Variants in NUGGC observed in about 807,000 individuals in gnomAD.
NUGGC encodes nuclear GTPase SLIP-GC.
NUGGC carries 58 observed loss-of-function variants against 92.6 expected under a neutral mutation model. The observed-to-expected ratio is 0.63, with a 90% confidence interval of 0.51 to 0.78. The LOEUF is 0.78. Ranked by LOEUF, NUGGC falls within the 30% of genes least tolerant of loss-of-function variation. The pLI, the probability that NUGGC is intolerant of heterozygous loss-of-function variation, is 0.00. For synonymous variants in NUGGC, 376 were observed against 366.4 expected, an observed-to-expected ratio of 1.03 and a Z score of -0.30; for missense variants, 925 against 964.6, an observed-to-expected ratio of 0.96 and a Z score of 0.54.
chr8:28,082,866 A>G (rs543964025), intron 1 of NUGGC, among the ~76,000 whole-genome samples: 2 of 152,272 alleles, frequency 1.3e-5, no homozygotes, highest in East Asian at 3.9e-4. Context: ...TGTTCATACC[A>G]CTGCACTCCA....
intron 9 of NUGGC, among the ~76,000 whole-genome samples, chr8:28,056,404 G>C (rs560240811): frequency 1.4e-4 from 22 of 151,764 alleles, no homozygotes; most frequent in Non-Finnish European, 2.6e-4. Context: ...CTTGAACACA[G>C]GAAGCAGAGC....
At position 28,029,448 on chromosome 8, in the gene NUGGC, T is replaced by C. The variant is rs199827509; in HGVS notation, c.2018-46A>G. The C allele has an allele frequency of 1.0e-4, 167 of 1,602,758 alleles. 2 individuals carry two copies. Among genetic ancestry groups the C allele is most frequent in the African/African-American group, 6.3e-4 (47 of 74,790 alleles). On this transcript the variant is annotated intron_variant, in intron 16 of 18. Coordinates refer to ENST00000413272, the MANE Select transcript of NUGGC (RefSeq NM_001010906.2). ...AGTCACACCAAGACAAGGACCTGCTTAGAAATCTTTGGCACCATGGCCGGG... is the reference window on the plus strand; with the variant it reads ...AGTCACACCAAGACAAGGACCTGCTCAGAAATCTTTGGCACCATGGCCGGG...
chr8:28,072,065 A>G (rs1810603990), intron 2 of NUGGC, among the ~76,000 whole-genome samples: 1 of 152,194 alleles, frequency 6.6e-6, no homozygotes, highest in Non-Finnish European at 1.5e-5. Flanking sequence ...TTCCAGTAGA[A>G]ATGGAAGCCA....
intron 1 of NUGGC, among the ~76,000 whole-genome samples, chr8:28,076,774 C>T (rs982638890): frequency 1.5e-4 from 23 of 152,178 alleles, no homozygotes; most frequent in African/African-American, 5.3e-4. Flanking sequence ...GGGGCAGGGG[C>T]CTTCATGGTG....
At chr8:28,029,546 C>G in intron 16 of NUGGC, 144 bp from the exon 17 acceptor site, 1 of 821,442 alleles carries the variant, frequency 1.2e-6, no homozygotes, top group Non-Finnish European at 1.9e-6. Flanking sequence ...GTCAGGAGTT[C>G]AAGACCAGCC....
chr8:28,061,935 G>T (rs899883673), intron 7 of NUGGC, among the ~76,000 whole-genome samples: 1 of 152,164 alleles, frequency 6.6e-6, no homozygotes, highest in Non-Finnish European at 1.5e-5. Context: ...AGGGCAGTGG[G>T]TTTCAGCTTG....
chr8:28,070,249 C>T lies in NUGGC; in HGVS notation c.148+3G>A, dbSNP rs1433972416. On this transcript the variant is annotated splice_donor_region_variant and intron_variant, in intron 3 of 18. Coordinates refer to ENST00000413272, the MANE Select transcript of NUGGC (RefSeq NM_001010906.2). ...GTTAAAACAACAGTTCCAAGACACT[C>T]ACATTCCTTAAGAGCACTCTGCTCC... 1.3e-6 allele frequency: 2 copies of T among 1,543,386 alleles called. No homozygotes were observed. The highest frequency in any genetic ancestry group is 2.7e-5 in the African/African-American group (2 of 73,002).
chr8:28,038,641 A>AAATGAATG lies in NUGGC; in HGVS notation c.1611+2402_1611+2409dup, dbSNP rs1241234729. ...ATTCCAAAGTCCTTGTTACATGCAG[A>AAATGAATG]AATGAATGAATGAATGAATGCAGCA... On this transcript the variant is annotated intron_variant, in intron 13 of 18. Coordinates refer to ENST00000413272, the MANE Select transcript of NUGGC (RefSeq NM_001010906.2). 1.8e-4 allele frequency among the ~76,000 whole-genome samples: 27 copies of AAATGAATG among 152,340 alleles called. No individual in the cohort carries two copies. The East Asian group carries it at 4.4e-3, about 25-fold the overall frequency.
At chr8:28,040,706 G>C (rs1809673062) in intron 13 of NUGGC, among the ~76,000 whole-genome samples, 1 of 151,476 alleles carries the variant, frequency 6.6e-6, no homozygotes, top group Non-Finnish European at 1.5e-5. Flanking sequence ...GAGTGCAGTA[G>C]TGCAGTCTCG....
At chr8:28,067,480 G>T in intron 6 of NUGGC, 34 bp downstream of exon 6, 1 of 1,379,524 alleles carries the variant, frequency 7.2e-7, no homozygotes, top group Non-Finnish European at 1.0e-6. Context: ...TGAGACCCAG[G>T]ATGAAATCAA....
chr8:28,037,432 A>C (rs1809583655), intron 13 of NUGGC, among the ~76,000 whole-genome samples: 1 of 152,086 alleles, frequency 6.6e-6, no homozygotes, highest in Non-Finnish European at 1.5e-5. Flanking sequence ...TCCTCTGCCC[A>C]AAGACACACC....
chr8:28,064,009 A>T (rs1810374172), intron 7 of NUGGC, among the ~76,000 whole-genome samples: 1 of 152,070 alleles, frequency 6.6e-6, no homozygotes, highest in African/African-American at 2.4e-5. Context: ...AGACCCCAGA[A>T]CTTTTCCAGG....
intron 10 of NUGGC, among the ~76,000 whole-genome samples, chr8:28,050,517 C>T (rs543778801): frequency 6.6e-6 from 1 of 151,868 alleles, no homozygotes; most frequent in South Asian, 2.1e-4. Flanking sequence ...CCAGTAATAT[C>T]AATCATGACC....
intron 5 of NUGGC, 136 bp from the exon 6 acceptor site, chr8:28,067,880 C>G (rs115848103): frequency 1.4e-6 from 1 of 694,452 alleles, no homozygotes. Flanking sequence ...TCTGGGGTCT[C>G]GAAGAGGGGA....
intron 6 of NUGGC, among the ~76,000 whole-genome samples, chr8:28,066,907 G>T (rs1810452179): frequency 6.6e-6 from 1 of 152,188 alleles, no homozygotes; most frequent in East Asian, 1.9e-4. Context: ...TTTCAGCCAG[G>T]AAGGGCTGTG....
intron 10 of NUGGC, among the ~76,000 whole-genome samples, chr8:28,054,473 C>A (rs1026078023): frequency 1.6e-3 from 247 of 151,518 alleles, no homozygotes; most frequent in African/African-American, 5.7e-3. Flanking sequence ...CGGAGCGCAA[C>A]TCTGTCTCAA....
intron 3 of NUGGC, chr8:28,069,995 C>T (rs1422472817): frequency 3.5e-6 from 2 of 572,910 alleles, no homozygotes; most frequent in Admixed American, 6.3e-5. Context: ...CCCACGGAAG[C>T]ACCAACCTCA....
Position 28,067,563 on chromosome 8 carries a change from G to A in NUGGC, c.662C>T (p.Pro221Leu). ...KNYEELLRAK[P>L]KRKIPTSRVI... ...TCTGGAGGTGGGGATCTTCCTTTTG[G>A]GCTTCGCCCTCAGTAACTCCTCATA... is the stretch of plus-strand genomic sequence containing the variant. The change falls in exon 6 of 19, where the codon CCC becomes CTC. Residue 221 changes from proline (P) to leucine (L), a missense_variant. Pro to Leu is a moderately conservative substitution (Grantham distance 98). Coordinates refer to ENST00000413272, the MANE Select transcript of NUGGC (RefSeq NM_001010906.2). 6.2e-7 allele frequency: 1 copy of A among 1,613,108 alleles called. No homozygotes were observed. The highest frequency in any genetic ancestry group is 8.5e-7 in the Non-Finnish European group (1 of 1,179,554).
Position 28,023,367 on chromosome 8 carries a change from G to A in NUGGC, c.2341C>T (p.Leu781Phe). The A allele has an allele frequency of 6.2e-7, 1 of 1,613,964 alleles. No individual in the cohort carries two copies. The highest frequency in any genetic ancestry group is 8.5e-7 in the Non-Finnish European group (1 of 1,179,876). Residue 781 changes from leucine to phenylalanine, a missense_variant, in exon 19 of 19, where the codon CTC becomes TTC. Coordinates refer to ENST00000413272, the MANE Select transcript of NUGGC (RefSeq NM_001010906.2). ...ARLRKGMQEF[L>F]LRASPSKAGP... is the part of the protein sequence containing the mutation. ...GCCTTGCTGGGGGATGCCCTTAGGA[G>A]GAATTCTTGCATGCCCTTCCTCAGC...
Sources: gnomAD v4.1 joint callset for allele counts (sites outside exome capture counted in the v4.1 genomes callset) on GRCh38, gnomAD v4.1.1 for gene constraint, MANE v1.5 for transcripts, NCBI Gene and HGNC (gene_info 2026-07-23, HGNC 2026-07-21) for gene names.